PLEC: variants seen among roughly 807,000 people sequenced by gnomAD.
The protein encoded by PLEC is hemidesmosomal protein 1.
A neutral mutation model predicts 392.8 loss-of-function variants in PLEC; 216 were observed. The ratio of observed to expected loss-of-function variants is 0.55; its 90% CI spans 0.49 to 0.62. The LOEUF is 0.62. PLEC is among the 20% of genes least tolerant of loss of function. The pLI is 0.00. For missense variants in PLEC, 6,863 were observed against 6,563.4 expected (o/e 1.05, Z -1.58); for synonymous variants, 3,621 against 2,980.6 (o/e 1.21, Z -7.00).
At chr8:143,970,476 T>C (rs990147368) in intron 1 of PLEC, among the ~76,000 whole-genome samples, 6 of 152,158 alleles carry the variant, frequency 3.9e-5, no homozygotes, top group African/African-American at 1.4e-4. Context: ...CTGGAGCCAC[T>C]GGCTTTTCAT....
Position 143,923,989 on chromosome 8 carries a change from C to G in PLEC, c.5940G>C (p.Glu1980Asp). The change falls in exon 31 of 32, where the codon GAG becomes GAC. Residue 1980 changes from glutamate (E) to aspartate (D), a missense_variant. Glu to Asp is a conservative substitution (Grantham distance 45). Coordinates refer to ENST00000345136, the MANE Select transcript of PLEC (RefSeq NM_201384.3). The stretch of plus-strand genomic sequence containing the variant: ...GCTCCTCAGCCTCACGGCGCCGCCG[C>G]TCCTCCTCCGCCGCCAGCTGCCGCT... Reference protein sequence around the residue: ...ARQRQLAAEEERRRREAEERV... With the variant: ...ARQRQLAAEEDRRRREAEERV... 1 of 1,585,662 alleles carries G rather than the reference C, an allele frequency of 6.3e-7. No homozygotes were observed. Among genetic ancestry groups the G allele is most frequent in the Non-Finnish European group, 8.5e-7 (1 of 1,171,830 alleles).
rs1177412228 is a variant in PLEC, at chr8:143,973,148, C to CCCCCACCCGCCCGCGGCCCA, written c.70+235_70+254dup. On this transcript the variant is annotated intron_variant, in intron 1 of 31. Transcript: ENST00000356346. This position sits in a 1 kb window ranked among gnomAD's most constrained non-coding sequence, Gnocchi z 5.6. Reference sequence around the variant, plus strand: ...AGCCGACCCCGACAAGCCCTGAGCGCCCCCACCCGCCCGCGGCCCACCCCA... The same window carrying CCCCCACCCGCCCGCGGCCCA: ...AGCCGACCCCGACAAGCCCTGAGCGCCCCCACCCGCCCGCGGCCCACCCCACCCGCCCGCGGCCCACCCCA... 2.0e-5 allele frequency among the ~76,000 whole-genome samples: 3 copies of CCCCCACCCGCCCGCGGCCCA among 152,170 alleles called. No individual in the cohort carries two copies. Among genetic ancestry groups the CCCCCACCCGCCCGCGGCCCA allele is most frequent in the Non-Finnish European group, 4.4e-5 (3 of 68,004 alleles).
intron 30 of PLEC, 101 bp from the exon 31 acceptor site, chr8:143,925,985 G>C: frequency 1.5e-6 from 2 of 1,311,958 alleles, no homozygotes; most frequent in Non-Finnish European, 2.1e-6. Flanking sequence ...ACAGCGCGGA[G>C]CAGGGGTCGG....
In PLEC at chr8:143,920,443, G is replaced by C. The variant is rs1554681814; in HGVS notation, c.9378C>G (p.Pro3126=). 6.3e-7 allele frequency: 1 copy of C among 1,599,718 alleles called. No homozygotes were observed. The highest frequency in any genetic ancestry group is 1.1e-5 in the South Asian group (1 of 90,728). The part of the protein sequence containing the change: ...LFQALKKGLI[P]REQGLRLLDA... ...CCAACAGGCGCAGGCCCTGCTCCCG[G>C]GGAATGAGGCCCTTCTTCAGGGCCT... Residue 3126 remains proline (P), a synonymous_variant, in exon 32 of 32, where the codon CCC becomes CCG. Coordinates refer to ENST00000345136, the MANE Select transcript of PLEC (RefSeq NM_201384.3).
upstream of PLEC, chr8:143,942,297 C>T: frequency 2.0e-6 from 3 of 1,489,442 alleles, no homozygotes; most frequent in Middle Eastern, 2.3e-4. Flanking sequence ...CACCCCCATC[C>T]CAGCCCAGGC....
At chr8:143,947,756 A>G (rs150428223) in intron 1 of PLEC, among the ~76,000 whole-genome samples, 230 of 152,306 alleles carry the variant, frequency 1.5e-3, no homozygotes, top group African/African-American at 5.1e-3. Flanking sequence ...TCTCAAAACA[A>G]TAAGTAAAAT....
In PLEC at chr8:143,922,690, G is replaced by C; in HGVS notation, c.7239C>G (p.Ile2413Met). Reference protein sequence around the residue: ...AQRFRKQAEEIGEKLHRTELA... With the variant: ...AQRFRKQAEEMGEKLHRTELA... ...GCTCCGTGCGGTGCAGCTTCTCACC[G>C]ATCTCCTCCGCCTGCTTCCGGAAGC... The change falls in exon 31 of 32, where the codon ATC becomes ATG. Residue 2413 changes from isoleucine to methionine, a missense_variant. Ile to Met is a conservative substitution (Grantham distance 10). Coordinates refer to ENST00000345136, the MANE Select transcript of PLEC (RefSeq NM_201384.3). 6.2e-7 allele frequency: 1 copy of C among 1,612,788 alleles called. No individual in the cohort carries two copies.
At chr8:143,952,985 TGC>T (rs1317038662), upstream of PLEC, among the ~76,000 whole-genome samples, 1 of 79,306 alleles carries the variant, frequency 1.3e-5, no homozygotes, top group Non-Finnish European at 2.6e-5. Context: ...CCCTGCGGCA[TGC>T]GCCACCCCCC....
upstream of PLEC, among the ~76,000 whole-genome samples, chr8:143,955,069 C>A (rs1832516081): frequency 1.3e-5 from 2 of 152,186 alleles, no homozygotes; most frequent in Admixed American, 1.3e-4. Context: ...GTTCTGGAGT[C>A]TCTCGTCCCC....
chr8:143,955,365 C>T (rs1306544163), upstream of PLEC, among the ~76,000 whole-genome samples: 22 of 152,090 alleles, frequency 1.4e-4, no homozygotes, highest in Admixed American at 1.4e-3. Flanking sequence ...CCTGTAGCCC[C>T]AGCTACTCAG....
intron 1 of PLEC, among the ~76,000 whole-genome samples, 184 bp downstream of exon 1, chr8:143,939,165 GC>G (rs1216356360): frequency 6.6e-6 from 1 of 152,192 alleles, no homozygotes; most frequent in Non-Finnish European, 1.5e-5. Flanking sequence ...ACGCTCGGAG[GC>G]CCCCGTCAGC....
Position 143,924,431 on chromosome 8 carries a change from C to A in PLEC, c.5498G>T (p.Arg1833Leu). The A allele has an allele frequency of 6.3e-6, 10 of 1,581,646 alleles. No homozygotes were observed. The highest frequency in any genetic ancestry group is 8.5e-6 in the Non-Finnish European group (10 of 1,171,818). The change falls in exon 31 of 32, where the codon CGG becomes CTG. Residue 1833 changes from arginine (R) to leucine (L), a missense_variant. Transcript: ENST00000345136. ...GGCGGCCAGCTTCTCCGCAAGCACC[C>A]GCTCCGCCTCGGCCCGCTGCCGCGC... is the stretch of plus-strand genomic sequence containing the variant. ...DAARQRAEAE[R>L]VLAEKLAAIG...
chr8:143,952,866 G>T (rs1012029732), upstream of PLEC, among the ~76,000 whole-genome samples: 2 of 152,110 alleles, frequency 1.3e-5, no homozygotes, highest in African/African-American at 4.8e-5. Context: ...GGCTCGGCGG[G>T]AGTCCCCTCC....
In PLEC at chr8:143,924,002, G is replaced by A. The variant is rs781911978; in HGVS notation, c.5927C>T (p.Ala1976Val). 30 of 1,585,148 alleles carry A rather than the reference G, an allele frequency of 1.9e-5. No homozygotes were observed. Among genetic ancestry groups the A allele is most frequent in the Admixed American group, 3.4e-5 (2 of 59,160 alleles). ...ACGGCGCCGCCGCTCCTCCTCCGCC[G>A]CCAGCTGCCGCTGCCTCGCAGCCTC... The part of the protein sequence containing the change: ...ELEAARQRQL[A>V]AEEERRRREA... Residue 1976 changes from alanine (A) to valine (V), a missense_variant, in exon 31 of 32, where the codon GCG becomes GTG. Coordinates refer to ENST00000345136, the MANE Select transcript of PLEC (RefSeq NM_201384.3).
Position 143,918,997 on chromosome 8 carries a change from G to A in PLEC, c.10824C>T (p.Phe3608=). The A allele has an allele frequency of 1.2e-6, 2 of 1,611,322 alleles. No homozygotes were observed. Among genetic ancestry groups the A allele is most frequent in the Non-Finnish European group, 1.7e-6 (2 of 1,180,010 alleles). The change falls in exon 32 of 32, where the codon TTC becomes TTT. Residue 3608 remains phenylalanine (F), a synonymous_variant. Coordinates refer to ENST00000345136, the MANE Select transcript of PLEC (RefSeq NM_201384.3). ...EEQRAQLMAD[F]QAGRVTKERM... Reference sequence around the variant, plus strand: ...GTTCCTTGGTCACCCGGCCGGCCTGGAAGTCAGCCATCAGCTGGGCCCGCT... The same window carrying A: ...GTTCCTTGGTCACCCGGCCGGCCTGAAAGTCAGCCATCAGCTGGGCCCGCT...
intron 3 of PLEC, 68 bp from the exon 4 acceptor site, chr8:143,937,310 C>T: frequency 8.4e-7 from 1 of 1,183,784 alleles, no homozygotes; most frequent in Non-Finnish European, 1.3e-6. Flanking sequence ...CAGCATGCCC[C>T]AAAGCGCCGC....
At chr8:143,970,717 T>C (rs1833382594) in intron 1 of PLEC, among the ~76,000 whole-genome samples, 1 of 152,148 alleles carries the variant, frequency 6.6e-6, no homozygotes, top group Non-Finnish European at 1.5e-5. Context: ...CTCACCTGCA[T>C]TGCCACAACT....
At chr8:143,976,741 A>G (rs1418403181), upstream of PLEC, 1 of 150,942 alleles carries the variant, frequency 6.6e-6, no homozygotes, top group African/African-American at 2.4e-5. Flanking sequence ...CGCCGCAGCC[A>G]GACTGCTCGG....
Position 143,919,864 on chromosome 8 carries a change from A to C in PLEC, c.9957T>G (p.Ala3319=). The change falls in exon 32 of 32, where the codon GCT becomes GCG. Residue 3319 remains alanine, a synonymous_variant. Transcript: ENST00000345136. ...RAPVPASELL[A]SGVLSRAQFE... ...ACTGGGCTCTGCTGAGGACCCCGGA[A>C]GCCAGGAGCTCGCTGGCTGGCACAG... The C allele has an allele frequency of 1.2e-6, 2 of 1,613,148 alleles. No individual in the cohort carries two copies. Among genetic ancestry groups the C allele is most frequent in the South Asian group, 2.2e-5 (2 of 91,080 alleles).
Sources: gnomAD v4.1 joint callset for allele counts (sites outside exome capture counted in the v4.1 genomes callset) on GRCh38, gnomAD v4.1.1 for gene constraint, Gnocchi (gnomAD v3.1) non-coding constraint, MANE v1.5 for transcripts, NCBI Gene and HGNC (gene_info 2026-07-23, HGNC 2026-07-21) for gene names.